Variants in PPFIBP1 observed in about 807,000 individuals in gnomAD.
The protein encoded by PPFIBP1 is PPFIB scaffold protein 1.
PPFIBP1 carries 112 observed loss-of-function variants against 137.8 expected under a neutral mutation model. That is an observed-to-expected ratio of 0.81 (90% CI 0.70 to 0.95). PPFIBP1 has a LOEUF of 0.95. Among genes scored for constraint, PPFIBP1 ranks in the 40% least tolerant of loss-of-function variants. PPFIBP1 has a pLI of 0.00. For missense variants in PPFIBP1, 1,083 were observed against 1,196.6 expected (o/e 0.91, Z 1.40); for synonymous variants, 378 against 417.3 (o/e 0.91, Z 1.15).
intron 1 of PPFIBP1, among the ~76,000 whole-genome samples, chr12:27,542,814 G>A (rs545251495): frequency 2.6e-5 from 4 of 152,194 alleles, no homozygotes; most frequent in African/African-American, 7.2e-5. Flanking sequence ...GATTGTGCTC[G>A]TAGGCAAAAC....
intron 13 of PPFIBP1, among the ~76,000 whole-genome samples, chr12:27,669,468 G>A (rs2060049284): frequency 1.3e-5 from 2 of 152,148 alleles, no homozygotes; most frequent in Non-Finnish European, 2.9e-5. Context: ...GTAGTTTTAA[G>A]TTTGTAACAA....
chr12:27,619,711 A>G (rs527390098), intron 2 of PPFIBP1, among the ~76,000 whole-genome samples: 7 of 152,318 alleles, frequency 4.6e-5, no homozygotes, highest in East Asian at 1.9e-4. Flanking sequence ...TCAAAAATAT[A>G]CACAGGGCAA....
At chr12:27,645,955 A>G in intron 4 of PPFIBP1, 107 bp from the exon 5 acceptor site, 5 of 774,476 alleles carry the variant, frequency 6.5e-6, no homozygotes, top group South Asian at 1.6e-5. Context: ...ACAGCTGTGC[A>G]GATTCAATTC....
chr12:27,673,384 T>C (rs1047752023), intron 15 of PPFIBP1, among the ~76,000 whole-genome samples: 5 of 152,228 alleles, frequency 3.3e-5, no homozygotes, highest in Admixed American at 6.5e-5. Context: ...CCATTCTTTA[T>C]TTTAATTAGA....
At chr12:27,624,297 A>C (rs1052203375) in intron 2 of PPFIBP1, among the ~76,000 whole-genome samples, 19 of 152,198 alleles carry the variant, frequency 1.2e-4, no homozygotes, top group African/African-American at 4.1e-4. Context: ...ACCTTGAACA[A>C]ATTCCTAACT....
chr12:27,543,120 C>T (rs1316472117), intron 1 of PPFIBP1, among the ~76,000 whole-genome samples: 1 of 151,964 alleles, frequency 6.6e-6, no homozygotes, highest in Non-Finnish European at 1.5e-5. Context: ...CCTTGTTCAA[C>T]CACATAAAAA....
chr12:27,662,839 C>A (rs990160991), intron 11 of PPFIBP1, among the ~76,000 whole-genome samples: 1 of 152,204 alleles, frequency 6.6e-6, no homozygotes, highest in African/African-American at 2.4e-5. Context: ...TGAGACCCAT[C>A]AATTTTAGGA....
At chr12:27,683,104 C>T (rs902663851) in intron 24 of PPFIBP1, among the ~76,000 whole-genome samples, 3 of 152,146 alleles carry the variant, frequency 2.0e-5, no homozygotes, top group African/African-American at 7.2e-5. Context: ...CGCTCTGTCA[C>T]CCAGGCTGGA....
chr12:27,675,538 T>G (rs1298268104), intron 17 of PPFIBP1, among the ~76,000 whole-genome samples: 4 of 152,000 alleles, frequency 2.6e-5, no homozygotes, highest in African/African-American at 9.7e-5. Context: ...AGGGAAAGAA[T>G]AGAGAAATGA....
chr12:27,620,841 T>G (rs1420311599), intron 2 of PPFIBP1, among the ~76,000 whole-genome samples: 2 of 152,234 alleles, frequency 1.3e-5, no homozygotes, highest in Non-Finnish European at 2.9e-5. Context: ...GCTTCGTTAT[T>G]TTTCCCATAA....
At chr12:27,628,398 C>G (rs1261853935) in intron 2 of PPFIBP1, among the ~76,000 whole-genome samples, 8 of 152,158 alleles carry the variant, frequency 5.3e-5, no homozygotes, top group African/African-American at 1.9e-4. Context: ...AGGCTTGTCT[C>G]AAACTCCTGG....
At chr12:27,607,714 C>T (rs899322089) in intron 2 of PPFIBP1, among the ~76,000 whole-genome samples, 30 of 152,228 alleles carry the variant, frequency 2.0e-4, no homozygotes, top group South Asian at 2.1e-4. Context: ...ATGATGATGA[C>T]GGGTGCAAAT....
At chr12:27,591,522 G>C (rs1375089341) in intron 2 of PPFIBP1, among the ~76,000 whole-genome samples, 3 of 152,142 alleles carry the variant, frequency 2.0e-5, no homozygotes, top group Non-Finnish European at 2.9e-5. Context: ...TGCTCTGTGT[G>C]GGAAATGTTT....
chr12:27,593,540 A>C (rs1311259815), intron 2 of PPFIBP1: 4 of 380,338 alleles, frequency 1.1e-5, no homozygotes, highest in African/African-American at 8.5e-5. Flanking sequence ...TCTGGAGGGG[A>C]GCTGCCGTAC....
At chr12:27,534,319 G>A (rs1944739363) in intron 1 of PPFIBP1, among the ~76,000 whole-genome samples, 2 of 152,136 alleles carry the variant, frequency 1.3e-5, no homozygotes, top group Non-Finnish European at 2.9e-5. Context: ...GAAGGGATAC[G>A]AATTGAGTAA....
chr12:27,537,186 C>T (rs1390049636), intron 1 of PPFIBP1, among the ~76,000 whole-genome samples: 1 of 151,932 alleles, frequency 6.6e-6, no homozygotes, highest in Non-Finnish European at 1.5e-5. Context: ...GGCTGGAGTG[C>T]AATGGTGTGA....
rs1182307133 is a variant in PPFIBP1 at position 27,682,645 on chromosome 12, A to G, written c.2189A>G (p.Tyr730Cys). Residue 730 changes from tyrosine (Y) to cysteine (C), a missense_variant, in exon 24 of 30, where the codon TAT (tyrosine) becomes TGT (cysteine). Physicochemically the swap from Tyr to Cys is radical, Grantham distance 194. Coordinates refer to ENST00000228425, the MANE Select transcript of PPFIBP1 (RefSeq NM_003622.4). The stretch of plus-strand genomic sequence containing the variant: ...TTGGATGACATTGGCCTCCCTCAAT[A>G]TAAGACCCAGTTTGATGAAGGACGG... ...RWLDDIGLPQYKTQFDEGRVD... is the reference protein window; with the variant it reads ...RWLDDIGLPQCKTQFDEGRVD... 3 of 1,614,038 alleles carry G rather than the reference A, an allele frequency of 1.9e-6. No individual in the cohort carries two copies. Among genetic ancestry groups the G allele is most frequent in the African/African-American group, 1.3e-5 (1 of 74,924 alleles).
chr12:27,634,550 A>G (rs2139058914), intron 3 of PPFIBP1, among the ~76,000 whole-genome samples: 1 of 152,248 alleles, frequency 6.6e-6, no homozygotes. Context: ...CATTTGGTCC[A>G]ATATTGGTCC....
intron 2 of PPFIBP1, among the ~76,000 whole-genome samples, chr12:27,598,416 AC>A (rs1404188490): frequency 6.6e-6 from 1 of 151,774 alleles, no homozygotes; most frequent in Non-Finnish European, 1.5e-5. Flanking sequence ...GGAAAGACCC[AC>A]CCCCCATGAT....
Sources: gnomAD v4.1 joint callset for allele counts (sites outside exome capture counted in the v4.1 genomes callset) on GRCh38, gnomAD v4.1.1 for gene constraint, MANE v1.5 for transcripts, NCBI Gene and HGNC (gene_info 2026-07-23, HGNC 2026-07-21) for gene names.